The following PKP4 variants were observed in gnomAD, a reference collection of about 807,000 sequenced individuals.
The protein encoded by PKP4 is plakophilin 4, also known as plakophilin-4.
A neutral mutation model predicts 145.1 loss-of-function variants in PKP4; 90 were observed. The ratio of observed to expected loss-of-function variants is 0.62; its 90% CI spans 0.52 to 0.74. The LOEUF is 0.74. PKP4 is among the 30% of genes least tolerant of loss of function. The pLI is 0.00. For missense variants in PKP4, 1,340 were observed against 1,482.7 expected, an observed-to-expected ratio of 0.90 and a Z score of 1.58; for synonymous variants, 563 against 577.2, an observed-to-expected ratio of 0.98 and a Z score of 0.35.
intron 11 of PKP4, among the ~76,000 whole-genome samples, chr2:158,643,111 TA>T (rs1200644649): frequency 6.6e-6 from 1 of 152,190 alleles, no homozygotes; most frequent in Non-Finnish European, 1.5e-5. Flanking sequence ...TATTCCCACG[TA>T]CTTTACTAGG....
At chr2:158,509,888 G>A (rs111720918) in intron 1 of PKP4, among the ~76,000 whole-genome samples, 29,452 of 151,056 alleles carry the variant, frequency 0.19, 3,690 homozygotes, top group Middle Eastern at 0.35. Flanking sequence ...TGGAGGTTGC[G>A]GTGAGCCGAG....
intron 4 of PKP4, among the ~76,000 whole-genome samples, chr2:158,616,557 T>C (rs904414177): frequency 6.6e-6 from 1 of 152,136 alleles, no homozygotes; most frequent in Non-Finnish European, 1.5e-5. Context: ...GAAGAAACCG[T>C]CAAGGAAGAG....
chr2:158,522,887 C>T (rs1009284552), intron 1 of PKP4, among the ~76,000 whole-genome samples: 2 of 152,192 alleles, frequency 1.3e-5, no homozygotes, highest in African/African-American at 2.4e-5. Context: ...CCTGGAAAAT[C>T]GGGTCACTCC....
At chr2:158,489,732 T>G (rs947687317) in intron 1 of PKP4, among the ~76,000 whole-genome samples, 2 of 152,276 alleles carry the variant, frequency 1.3e-5, no homozygotes, top group Admixed American at 6.5e-5. Context: ...TTACAAAATG[T>G]TCTTTCCTTT....
chr2:158,614,531 T>C (rs2105877749), intron 4 of PKP4, among the ~76,000 whole-genome samples: 2 of 152,304 alleles, frequency 1.3e-5, no homozygotes, highest in Admixed American at 1.3e-4. Flanking sequence ...TCGAACAAAT[T>C]ACCTATATTA....
intron 7 of PKP4, among the ~76,000 whole-genome samples, chr2:158,627,774 TATAA>T (rs2052948431): frequency 6.6e-6 from 1 of 151,436 alleles, no homozygotes; most frequent in African/African-American, 2.4e-5. Flanking sequence ...ATGCCATAAA[TATAA>T]ATATTTTTAA....
intron 1 of PKP4, among the ~76,000 whole-genome samples, chr2:158,459,830 T>C (rs949314877): frequency 3.3e-5 from 5 of 152,010 alleles, no homozygotes; most frequent in South Asian, 2.1e-4. Context: ...ACACACACGA[T>C]TGGCTGTGCA....
At chr2:158,483,384 A>AT (rs1553540285) in intron 1 of PKP4, among the ~76,000 whole-genome samples, 2 of 119,038 alleles carry the variant, frequency 1.7e-5, no homozygotes, top group African/African-American at 6.2e-5. Flanking sequence ...TTTTTAAATC[A>AT]TTTTGTCTTC....
chr2:158,493,387 A>G (rs1326348598), intron 1 of PKP4, among the ~76,000 whole-genome samples: 1 of 152,018 alleles, frequency 6.6e-6, no homozygotes, highest in East Asian at 1.9e-4. Flanking sequence ...TACCTGCCTC[A>G]TTTTTCCATT....
At chr2:158,525,871 C>G (rs1007887919) in intron 1 of PKP4, among the ~76,000 whole-genome samples, 1 of 149,912 alleles carries the variant, frequency 6.7e-6, no homozygotes, top group Non-Finnish European at 1.5e-5. Context: ...CGCAAATAAA[C>G]TAGAAAATCT....
At chr2:158,553,054 G>A (rs978919113) in intron 2 of PKP4, among the ~76,000 whole-genome samples, 1 of 152,158 alleles carries the variant, frequency 6.6e-6, no homozygotes, top group African/African-American at 2.4e-5. Context: ...TAGAAAGCAT[G>A]TAAATGATGG....
rs146218353 is a variant in PKP4 at position 158,476,062 on chromosome 2, T to G, written c.-6+18844T>G. On this transcript the variant is annotated intron_variant, in intron 1 of 21. Coordinates refer to ENST00000389759, the MANE Select transcript of PKP4 (RefSeq NM_003628.6). ...TTGCAATAAAGACAAAGAAACATCC[T>G]TATCTTTTTAACTTAGAATATTAAA... Among the ~76,000 whole-genome samples the G allele has an allele frequency of 4.4e-3, 669 of 152,336 alleles. 3 individuals carry two copies. The highest frequency in any genetic ancestry group is 7.4e-3 in the Non-Finnish European group (506 of 68,034).
intron 1 of PKP4, among the ~76,000 whole-genome samples, chr2:158,461,172 T>C (rs546337734): frequency 6.6e-6 from 1 of 152,330 alleles, no homozygotes; most frequent in East Asian, 1.9e-4. Context: ...TTCAAATATT[T>C]CTTACCTTGT....
rs531134907 is a variant in PKP4 at position 158,585,466 on chromosome 2, G to A, written c.245+8083G>A. Reference sequence around the variant, plus strand: ...CATCTGCAGATGCCCATCAGGTTTCGATTGATATTACTAAAAATCCTAAAA... The same window carrying A: ...CATCTGCAGATGCCCATCAGGTTTCAATTGATATTACTAAAAATCCTAAAA... On this transcript the variant is annotated intron_variant, in intron 3 of 21. Transcript: ENST00000389759. Among the ~76,000 whole-genome samples, 18 of 152,188 alleles carry A rather than the reference G, an allele frequency of 1.2e-4. No individual in the cohort carries two copies. The East Asian group carries it at 2.9e-3, about 24-fold the overall frequency.
At chr2:158,664,315 G>C (rs36046609) in intron 15 of PKP4, among the ~76,000 whole-genome samples, 1 of 152,156 alleles carries the variant, frequency 6.6e-6, no homozygotes, top group Non-Finnish European at 1.5e-5. Context: ...CTGTGTCTAA[G>C]GTTTCTGCAT....
At chr2:158,616,892 C>T (rs932488346) in intron 4 of PKP4, among the ~76,000 whole-genome samples, 1 of 152,090 alleles carries the variant, frequency 6.6e-6, no homozygotes, top group Admixed American at 6.6e-5. Flanking sequence ...ATTAAAGAGG[C>T]CTTAGACTCT....
chr2:158,491,578 T>A lies in PKP4; in HGVS notation c.-6+34360T>A, dbSNP rs369253957. On this transcript the variant is annotated intron_variant, in intron 1 of 21. Coordinates refer to ENST00000389759, the MANE Select transcript of PKP4 (RefSeq NM_003628.6). ...TAATCTTATGTTGATTTGAGGGACA[T>A]CATTATATTCTGGATATATATCCCT... is the stretch of plus-strand genomic sequence containing the variant. Among the ~76,000 whole-genome samples the A allele has an allele frequency of 1.1e-3, 164 of 152,172 alleles. 4 individuals carry two copies. The South Asian group carries it at 0.033, about 30-fold the overall frequency.
intron 1 of PKP4, among the ~76,000 whole-genome samples, chr2:158,505,198 T>A (rs959585708): frequency 6.6e-6 from 1 of 152,148 alleles, no homozygotes; most frequent in Non-Finnish European, 1.5e-5. Flanking sequence ...GCCATACAGG[T>A]ATAGGAAGAG....
At chr2:158,564,045 A>T (rs1051877270) in intron 2 of PKP4, among the ~76,000 whole-genome samples, 2 of 152,166 alleles carry the variant, frequency 1.3e-5, no homozygotes, top group Non-Finnish European at 2.9e-5. Flanking sequence ...TTCTGAATTC[A>T]ATTTTAATTA....
Sources: allele counts gnomAD v4.1 joint callset (sites outside exome capture counted in the v4.1 genomes callset), GRCh38; gene constraint gnomAD v4.1.1; transcripts MANE v1.5; gene names NCBI Gene and HGNC (gene_info 2026-07-23, HGNC 2026-07-21).